SLC25A17: variants seen among roughly 807,000 people sequenced by gnomAD.
The protein encoded by SLC25A17 is peroxisomal membrane protein PMP34.
SLC25A17 carries 26 observed loss-of-function variants against 38.5 expected under a neutral mutation model. The ratio of observed to expected loss-of-function variants is 0.68; its 90% CI spans 0.50 to 0.94. The LOEUF is 0.94. Among genes scored for constraint, SLC25A17 ranks in the 40% least tolerant of loss-of-function variants. SLC25A17 has a pLI of 0.00. For synonymous variants in SLC25A17, 139 were observed against 136.2 expected (o/e 1.02, Z -0.14); for missense variants, 333 against 372.7 (o/e 0.89, Z 0.88).
rs1423409724 is a variant in SLC25A17 at position 40,789,881 on chromosome 22, T to A, written c.334+2644A>T. Among the ~76,000 whole-genome samples the A allele has an allele frequency of 6.6e-6, 1 of 151,096 alleles. No individual in the cohort carries two copies. The highest frequency in any genetic ancestry group is 1.5e-5 in the Non-Finnish European group (1 of 67,838). On this transcript the variant is annotated intron_variant, in intron 4 of 8. Coordinates refer to ENST00000435456, the MANE Select transcript of SLC25A17 (RefSeq NM_006358.4). The surrounding 1 kb of genome is among the most constrained non-coding windows in gnomAD (Gnocchi z 4.5). ...GGTCTCAAACTGCGGGCTCAAGTGA[T>A]CCTCCTGCCTTGACCTCCCAAACTG... is the stretch of plus-strand genomic sequence containing the variant.
In SLC25A17 at chr22:40,775,436, G is replaced by GTTTTTTTTTTTTT. The variant is rs71200615; in HGVS notation, c.694-1430_694-1418dup. ...TGAATAAGTCTCATGAGATCTGATG[G>GTTTTTTTTTTTTT]TTTTTTTTTTTTTTTTTTTTTTTTT... On this transcript the variant is annotated intron_variant, in intron 7 of 8. Coordinates refer to ENST00000435456, the MANE Select transcript of SLC25A17 (RefSeq NM_006358.4). Among the ~76,000 whole-genome samples, 5 of 86,858 alleles carry GTTTTTTTTTTTTT rather than the reference G, an allele frequency of 5.8e-5. 1 individual carries two copies. Among genetic ancestry groups the GTTTTTTTTTTTTT allele is most frequent in the Non-Finnish European group, 9.0e-5 (4 of 44,352 alleles). 57.0% of individuals were successfully genotyped at this position (86,858 alleles called of 152,430 possible). A position where few individuals can be genotyped will look rare whatever the true frequency, so the allele number is the denominator to read the frequency against.
At chr22:40,792,848 A>C (rs1322607987) in intron 3 of SLC25A17, among the ~76,000 whole-genome samples, 172 bp from the exon 4 acceptor site, 1 of 152,238 alleles carries the variant, frequency 6.6e-6, no homozygotes. Context: ...TGTCCAAATC[A>C]AGAAATCTAT....
At chr22:40,779,457 C>A in intron 4 of SLC25A17, 1 of 544,248 alleles carries the variant, frequency 1.8e-6, no homozygotes, top group Non-Finnish European at 3.2e-6. Context: ...ATAATTTTAA[C>A]GTAACAGCTT....
chr22:40,788,672 G>C (rs370854497), intron 4 of SLC25A17: 1 of 178,674 alleles, frequency 5.6e-6, no homozygotes. Flanking sequence ...GCCTGGGAGA[G>C]AGAGCGAGAC....
chr22:40,792,405 A>C (rs78630281), intron 4 of SLC25A17, 120 bp downstream of exon 4: 1 of 833,062 alleles, frequency 1.2e-6, no homozygotes, highest in Non-Finnish European at 1.8e-6. Context: ...AAAAAAAAAA[A>C]CCAAGTTGGA....
rs1294565518 is a variant in SLC25A17 at position 40,770,057 on chromosome 22, A to G, written c.*777T>C. ...GTTGCAAACTCAACGTAATACCTTA[A>G]TAAAGAGCAATTTTCAAGAATATCT... On this transcript the variant is annotated 3_prime_UTR_variant, in exon 9 of 9. Transcript: ENST00000435456. The G allele has an allele frequency of 6.6e-6, 1 of 152,216 alleles. No homozygotes were observed. Among genetic ancestry groups the G allele is most frequent in the African/African-American group, 2.4e-5 (1 of 41,462 alleles). The allele number at this position is 152,216 out of a possible 1,614,324, so 9.4% of individuals were successfully genotyped here.
chr22:40,778,383 T>C (rs1602590305), intron 5 of SLC25A17, among the ~76,000 whole-genome samples: 1 of 152,160 alleles, frequency 6.6e-6, no homozygotes, highest in Non-Finnish European at 1.5e-5. Flanking sequence ...TGTGTCCTCT[T>C]GACCTTTTGC....
rs944318782 is a variant in SLC25A17, at chr22:40,789,872, C to T, written c.334+2653G>A. On this transcript the variant is annotated intron_variant, in intron 4 of 8. Coordinates refer to ENST00000435456, the MANE Select transcript of SLC25A17 (RefSeq NM_006358.4). This position sits in a 1 kb window ranked among gnomAD's most constrained non-coding sequence, Gnocchi z 4.5. Reference sequence around the variant, plus strand: ...GCCCAGGCTGGTCTCAAACTGCGGGCTCAAGTGATCCTCCTGCCTTGACCT... The same window carrying T: ...GCCCAGGCTGGTCTCAAACTGCGGGTTCAAGTGATCCTCCTGCCTTGACCT... Among the ~76,000 whole-genome samples the T allele has an allele frequency of 3.3e-5, 5 of 151,218 alleles. No homozygotes were observed. Among genetic ancestry groups the T allele is most frequent in the African/African-American group, 1.2e-4 (5 of 41,188 alleles).
chr22:40,805,826 A>G (rs2057525208), intron 1 of SLC25A17, among the ~76,000 whole-genome samples: 2 of 152,182 alleles, frequency 1.3e-5, no homozygotes, highest in Non-Finnish European at 2.9e-5. Flanking sequence ...CAGAAAATAA[A>G]TTTGTGTTAT....
chr22:40,794,417 T>G (rs539647752), intron 3 of SLC25A17, 97 bp downstream of exon 3: 2 of 716,428 alleles, frequency 2.8e-6, no homozygotes, highest in African/African-American at 3.6e-5. Flanking sequence ...AACATTAGAG[T>G]GCTGTGAGAA....
At chr22:40,786,862 G>A (rs2057342868) in intron 4 of SLC25A17, among the ~76,000 whole-genome samples, 2 of 152,216 alleles carry the variant, frequency 1.3e-5, no homozygotes, top group African/African-American at 4.8e-5. Context: ...TAGTAAAATG[G>A]AGAAGACTCC....
In SLC25A17 at chr22:40,794,531, G is replaced by T. The variant is rs769761026; in HGVS notation, c.165C>A (p.Ile55=). 1 of 1,610,394 alleles carries T rather than the reference G, an allele frequency of 6.2e-7. No homozygotes were observed. The highest frequency in any genetic ancestry group is 2.2e-5 in the East Asian group (1 of 44,810). The part of the protein sequence containing the change: ...SKTTHMVLLE[I]IKEEGLLAPY... ...GTACTCACAGTCCTTCTTCTTTAAT[G>T]ATCTCCAGGAGCACCATGTGTGTAG... Residue 55 remains isoleucine (I), a synonymous_variant, in exon 3 of 9, where the codon ATC becomes ATA. Transcript: ENST00000435456.
At chr22:40,774,130 A>C in intron 7 of SLC25A17, 111 bp from the exon 8 acceptor site, 1 of 633,694 alleles carries the variant, frequency 1.6e-6, no homozygotes, top group Non-Finnish European at 2.8e-6. Flanking sequence ...TACATTAATA[A>C]ATTTATCCAA....
intron 1 of SLC25A17, among the ~76,000 whole-genome samples, chr22:40,815,496 C>G (rs1439559796): frequency 6.6e-6 from 1 of 152,208 alleles, no homozygotes; most frequent in Non-Finnish European, 1.5e-5. Context: ...GTAAGATCAT[C>G]TGCAACAAGT....
At chr22:40,816,609 G>GTTTTTT (rs55809010) in intron 1 of SLC25A17, among the ~76,000 whole-genome samples, 1 of 137,970 alleles carries the variant, frequency 7.2e-6, no homozygotes, top group African/African-American at 2.7e-5. Flanking sequence ...ATTTTTTATT[G>GTTTTTT]TTTTTTTTTT....
intron 1 of SLC25A17, among the ~76,000 whole-genome samples, chr22:40,805,250 G>A (rs931875950): frequency 3.3e-5 from 5 of 152,168 alleles, no homozygotes; most frequent in African/African-American, 9.7e-5. Flanking sequence ...CAGGAGAATC[G>A]CTTGAACCTG....
chr22:40,801,993 T>C (rs991976260), intron 1 of SLC25A17, among the ~76,000 whole-genome samples: 1 of 152,128 alleles, frequency 6.6e-6, no homozygotes, highest in Non-Finnish European at 1.5e-5. Flanking sequence ...GGTTTCATCA[T>C]GTTGGCCAGG....
chr22:40,817,230 C>G (rs1039086578), intron 1 of SLC25A17: 1 of 152,400 alleles, frequency 6.6e-6, no homozygotes. Context: ...CAGCATCTGA[C>G]CCAGCTGGTC....
In SLC25A17 at chr22:40,819,316, G is replaced by A; in HGVS notation, c.-68C>T. 3 of 1,536,532 alleles carry A rather than the reference G, an allele frequency of 2.0e-6. No individual in the cohort carries two copies. Among genetic ancestry groups the A allele is most frequent in the Middle Eastern group, 1.7e-4 (1 of 5,830 alleles). ...TGCCGCAGCCAGTGGAGTTAGGAAA[G>A]GAGCACCGGAGCTCAGGGTGTGAGA... On this transcript the variant is annotated 5_prime_UTR_variant, in exon 1 of 9. Coordinates refer to ENST00000435456, the MANE Select transcript of SLC25A17 (RefSeq NM_006358.4).
Sources: gnomAD v4.1 joint callset for allele counts (sites outside exome capture counted in the v4.1 genomes callset) on GRCh38, gnomAD v4.1.1 for gene constraint, Gnocchi (gnomAD v3.1) non-coding constraint, MANE v1.5 for transcripts, NCBI Gene and HGNC (gene_info 2026-07-23, HGNC 2026-07-21) for gene names.